Variants in NDUFS4 observed in about 807,000 individuals in gnomAD.
The protein encoded by NDUFS4 is NADH dehydrogenase [ubiquinone] iron-sulfur protein 4, mitochondrial.
NDUFS4 carries 28 observed loss-of-function variants against 24.3 expected under a neutral mutation model. That is an observed-to-expected ratio of 1.15 (90% CI 0.85 to 1.58). The LOEUF (loss-of-function observed/expected upper bound fraction) is 1.58. Ranked by LOEUF, NDUFS4 falls within the 40% of genes most tolerant of loss-of-function variation. The pLI, the probability that NDUFS4 is intolerant of heterozygous loss-of-function variation, is 0.00. For synonymous variants in NDUFS4, 93 were observed against 69.7 expected, an observed-to-expected ratio of 1.34 and a Z score of -1.67; for missense variants, 223 against 207.9, an observed-to-expected ratio of 1.07 and a Z score of -0.45.
At chr5:53,681,343 A>T (rs1740657567) in intron 4 of NDUFS4, among the ~76,000 whole-genome samples, 1 of 152,156 alleles carries the variant, frequency 6.6e-6, no homozygotes, top group Non-Finnish European at 1.5e-5. Flanking sequence ...TAAAGGTTTT[A>T]GGAAAAGTTC....
intron 2 of NDUFS4, among the ~76,000 whole-genome samples, chr5:53,635,258 G>T (rs1439985572): frequency 6.6e-6 from 1 of 151,490 alleles, no homozygotes; most frequent in Non-Finnish European, 1.5e-5. Flanking sequence ...GGTGGCTCAT[G>T]CCTGTAATCC....
At chr5:53,629,144 G>A (rs918201016) in intron 2 of NDUFS4, among the ~76,000 whole-genome samples, 3 of 152,188 alleles carry the variant, frequency 2.0e-5, no homozygotes, top group Non-Finnish European at 4.4e-5. Context: ...TTACCCAGTA[G>A]TCATTCAGGA....
chr5:53,609,897 G>T (rs1433098885), intron 2 of NDUFS4, among the ~76,000 whole-genome samples: 3 of 152,142 alleles, frequency 2.0e-5, no homozygotes, highest in African/African-American at 7.2e-5. Flanking sequence ...CCTGGCTCTA[G>T]ATTAGACTTT....
At chr5:53,627,272 T>A (rs899523312) in intron 2 of NDUFS4, among the ~76,000 whole-genome samples, 3 of 152,234 alleles carry the variant, frequency 2.0e-5, no homozygotes, top group Non-Finnish European at 4.4e-5. Context: ...CATGTTGTTT[T>A]GGTTACTGTA....
At chr5:53,587,969 G>C (rs1257508217) in intron 1 of NDUFS4, among the ~76,000 whole-genome samples, 2 of 152,116 alleles carry the variant, frequency 1.3e-5, no homozygotes, top group Non-Finnish European at 2.9e-5. Flanking sequence ...TACTTGTTTA[G>C]GTTGAAGGTG....
intron 4 of NDUFS4, among the ~76,000 whole-genome samples, chr5:53,672,741 A>T (rs57401636): frequency 6.6e-6 from 1 of 152,244 alleles, no homozygotes; most frequent in African/African-American, 2.4e-5. Flanking sequence ...TTTGTCATAT[A>T]TGCTTTCTTG....
chr5:53,563,307 T>C (rs550057541), intron 1 of NDUFS4, among the ~76,000 whole-genome samples: 1 of 149,894 alleles, frequency 6.7e-6, no homozygotes, highest in African/African-American at 2.5e-5. Context: ...TCAATTATAG[T>C]ATATCATCAG....
chr5:53,644,706 TTAAAAA>T (rs1430983086), intron 2 of NDUFS4, among the ~76,000 whole-genome samples: 1 of 152,048 alleles, frequency 6.6e-6, no homozygotes. Flanking sequence ...TAGGGAAACT[TTAAAAA>T]TAAGTAAATG....
At chr5:53,675,899 T>C (rs1740452150) in intron 4 of NDUFS4, among the ~76,000 whole-genome samples, 1 of 152,188 alleles carries the variant, frequency 6.6e-6, no homozygotes, top group Non-Finnish European at 1.5e-5. Flanking sequence ...AAAAGAGGTA[T>C]GCAGGCTTAA....
At chr5:53,674,032 C>T (rs1740374909) in intron 4 of NDUFS4, among the ~76,000 whole-genome samples, 1 of 152,140 alleles carries the variant, frequency 6.6e-6, no homozygotes, top group South Asian at 2.1e-4. Context: ...TCACCCATCA[C>T]ATAGGTTCGT....
intron 2 of NDUFS4, among the ~76,000 whole-genome samples, chr5:53,608,868 T>C (rs1217236864): frequency 6.6e-6 from 1 of 152,244 alleles, no homozygotes; most frequent in Admixed American, 6.5e-5. Flanking sequence ...ACAATTGTAT[T>C]GTATTATAAA....
intron 1 of NDUFS4, 116 bp from the exon 2 acceptor site, chr5:53,603,333 TTCC>T (rs373429283): frequency 7.1e-6 from 5 of 708,608 alleles, no homozygotes; most frequent in African/African-American, 2.7e-5. Context: ...TTTCTTTCCT[TTCC>T]TTTTTTTTTT....
intron 2 of NDUFS4, 113 bp from the exon 3 acceptor site, chr5:53,646,120 C>A: frequency 1.1e-6 from 1 of 913,982 alleles, no homozygotes; most frequent in Non-Finnish European, 1.7e-6. Flanking sequence ...GAAAATTTAT[C>A]TCAATTTATG....
intron 2 of NDUFS4, among the ~76,000 whole-genome samples, chr5:53,635,561 A>G (rs191367186): frequency 6.6e-6 from 1 of 152,264 alleles, no homozygotes; most frequent in Admixed American, 6.5e-5. Context: ...ATCCTGAAGT[A>G]TTGGGTTAAA....
chr5:53,668,535 T>C (rs868761136), intron 4 of NDUFS4, among the ~76,000 whole-genome samples: 1 of 151,782 alleles, frequency 6.6e-6, no homozygotes, highest in Non-Finnish European at 1.5e-5. Context: ...CTTGGCTCAC[T>C]GCAACCTCCA....
chr5:53,561,593 T>C (rs1308106055), intron 1 of NDUFS4, among the ~76,000 whole-genome samples: 2 of 152,064 alleles, frequency 1.3e-5, no homozygotes, highest in African/African-American at 4.8e-5. Context: ...ATAGTACTAA[T>C]GCTATACGTA....
At chr5:53,641,371 GTA>G (rs1254267872) in intron 2 of NDUFS4, among the ~76,000 whole-genome samples, 1 of 152,122 alleles carries the variant, frequency 6.6e-6, no homozygotes, top group Non-Finnish European at 1.5e-5. Flanking sequence ...TGTACTCCTT[GTA>G]TGATTAGTAG....
intron 2 of NDUFS4, among the ~76,000 whole-genome samples, chr5:53,645,252 T>A: frequency 6.6e-6 from 1 of 152,138 alleles, no homozygotes; most frequent in East Asian, 1.9e-4. Context: ...TCAGATAAAG[T>A]ATTTTACCAT....
intron 1 of NDUFS4, among the ~76,000 whole-genome samples, chr5:53,588,260 G>A (rs1448972913): frequency 6.6e-6 from 1 of 152,114 alleles, no homozygotes; most frequent in African/African-American, 2.4e-5. Flanking sequence ...GAATGTTAAC[G>A]ATCATCTGAG....
Sources: gnomAD v4.1 joint callset for allele counts (sites outside exome capture counted in the v4.1 genomes callset) on GRCh38, gnomAD v4.1.1 for gene constraint, MANE v1.5 for transcripts, NCBI Gene and HGNC (gene_info 2026-07-23, HGNC 2026-07-21) for gene names.